Variants in CCDC7 observed in about 807,000 individuals in gnomAD.
CCDC7 encodes the protein coiled-coil domain-containing protein 7.
In CCDC7, 183 loss-of-function variants were observed where a neutral mutation model predicts 196.9. That is an observed-to-expected ratio of 0.93 (90% CI 0.82 to 1.05). The LOEUF (loss-of-function observed/expected upper bound fraction) is 1.05, where lower values mean the gene tolerates loss of function less well. Ranked by LOEUF, CCDC7 falls within the 50% of genes least tolerant of loss-of-function variation. The pLI is 0.00. For missense variants in CCDC7, 1,540 were observed against 1,482.2 expected (o/e 1.04, Z -0.64); for synonymous variants, 525 against 484.6 (o/e 1.08, Z -1.10).
chr10:32,643,678 A>T (rs546401325), intron 20 of CCDC7, among the ~76,000 whole-genome samples: 24 of 152,094 alleles, frequency 1.6e-4, no homozygotes, highest in Non-Finnish European at 3.5e-4. Context: ...TTTTTAAAAA[A>T]GATTAATACT....
At chr10:32,710,229 C>A (rs1316233203) in intron 24 of CCDC7, among the ~76,000 whole-genome samples, 2 of 152,172 alleles carry the variant, frequency 1.3e-5, no homozygotes, top group Admixed American at 1.3e-4. Context: ...CCTCTAAATT[C>A]TCCTAGATCA....
chr10:32,677,821 T>A (rs981596384), intron 21 of CCDC7, among the ~76,000 whole-genome samples: 2 of 152,200 alleles, frequency 1.3e-5, no homozygotes, highest in Non-Finnish European at 2.9e-5. Flanking sequence ...CTCTTTCTTC[T>A]TGGACTTCCA....
intron 24 of CCDC7, among the ~76,000 whole-genome samples, chr10:32,696,830 G>T (rs2077794648): frequency 6.6e-6 from 1 of 152,014 alleles, no homozygotes. Context: ...TGTAGCAGTT[G>T]CTTCTTCCAT....
intron 8 of CCDC7, among the ~76,000 whole-genome samples, chr10:32,490,033 T>G (rs2041908007): frequency 6.6e-6 from 1 of 152,132 alleles, no homozygotes; most frequent in African/African-American, 2.4e-5. Flanking sequence ...GTGTTCTCTG[T>G]AGAGCAGGCT....
At chr10:32,449,653 GGTGTATTT>G (rs1427947632), upstream of CCDC7, among the ~76,000 whole-genome samples, 1 of 152,052 alleles carries the variant, frequency 6.6e-6, no homozygotes, top group Non-Finnish European at 1.5e-5. Context: ...AAAGTATGTG[GGTGTATTT>G]GTTTTCGAAG....
intron 11 of CCDC7, among the ~76,000 whole-genome samples, chr10:32,521,410 T>A (rs1023718841): frequency 6.6e-6 from 1 of 152,162 alleles, no homozygotes; most frequent in Admixed American, 6.5e-5. Flanking sequence ...CTTGTAGAGA[T>A]CTTTCACTTC....
At chr10:32,677,332 T>C (rs534422888) in intron 21 of CCDC7, among the ~76,000 whole-genome samples, 1 of 151,686 alleles carries the variant, frequency 6.6e-6, no homozygotes, top group East Asian at 1.9e-4. Context: ...AACCTGCACA[T>C]TGTGCACATG....
chr10:32,470,773 G>A (rs2037784210), intron 5 of CCDC7, among the ~76,000 whole-genome samples: 1 of 152,056 alleles, frequency 6.6e-6, no homozygotes, highest in Non-Finnish European at 1.5e-5. Flanking sequence ...AATATTTTGA[G>A]TTGCATTTAT....
At chr10:32,507,093 A>T (rs2045305756) in intron 9 of CCDC7, among the ~76,000 whole-genome samples, 1 of 151,926 alleles carries the variant, frequency 6.6e-6, no homozygotes, top group African/African-American at 2.4e-5. Flanking sequence ...CCCGGGTTCA[A>T]GTGATTCTCC....
intron 3 of CCDC7, among the ~76,000 whole-genome samples, chr10:32,461,731 GTA>G (rs61624157): frequency 7.0e-4 from 23 of 33,072 alleles, no homozygotes; most frequent in African/African-American, 1.5e-3. Context: ...ATATATATAT[GTA>G]TATATATATA....
chr10:32,462,703 G>T (rs777084739), exon 4 of CCDC7: 12 of 1,456,440 alleles, frequency 8.2e-6, no homozygotes, highest in Admixed American at 2.2e-5. Flanking sequence ...CTCTTTTTAA[G>T]GTACGTTCAA....
intron 16 of CCDC7, among the ~76,000 whole-genome samples, chr10:32,578,617 C>T (rs1354313217): frequency 4.0e-5 from 6 of 151,512 alleles, no homozygotes; most frequent in Non-Finnish European, 8.8e-5. Context: ...GAAACTAATG[C>T]GGCTGCTGAT....
intron 33 of CCDC7, among the ~76,000 whole-genome samples, chr10:32,845,037 A>G (rs1003026051): frequency 1.3e-5 from 2 of 150,774 alleles, no homozygotes; most frequent in Non-Finnish European, 3.0e-5. Context: ...GGTAAAAAAA[A>G]TTTTTTTCAA....
chr10:32,733,963 C>T (rs1034410544), intron 28 of CCDC7, among the ~76,000 whole-genome samples: 2 of 152,122 alleles, frequency 1.3e-5, no homozygotes, highest in African/African-American at 2.4e-5. Context: ...AAAGAGAACA[C>T]TTACACACTG....
chr10:32,617,836 T>C (rs980519514), intron 18 of CCDC7, among the ~76,000 whole-genome samples: 8 of 151,982 alleles, frequency 5.3e-5, no homozygotes, highest in African/African-American at 1.9e-4. Context: ...TTAAGTTCAG[T>C]GTTTCTTTGT....
Position 32,474,210 on chromosome 10 carries a change from CTTTT to C in CCDC7, c.796+214_796+217del, listed in dbSNP as rs71027095. Among the ~76,000 whole-genome samples, 576 of 58,972 alleles carry C rather than the reference CTTTT, an allele frequency of 9.8e-3. 5 individuals carry two copies. Among genetic ancestry groups the C allele is most frequent in the Admixed American group, 0.018 (64 of 3,568 alleles). 38.7% of individuals were successfully genotyped at this position (58,972 alleles called of 152,430 possible). On this transcript the variant is annotated intron_variant, in intron 8 of 41. Transcript: ENST00000639629. ...GGATACGTGTTACTGAAACTAGATTCTTTTTTTTTTTTTTTTTTTTTTTTTTTTT... is the reference window on the plus strand; with the variant it reads ...GGATACGTGTTACTGAAACTAGATTCTTTTTTTTTTTTTTTTTTTTTTTTT...
chr10:32,792,736 G>A (rs57497293), intron 29 of CCDC7, among the ~76,000 whole-genome samples: 13,056 of 152,234 alleles, frequency 0.086, 882 homozygotes, highest in South Asian at 0.25. Context: ...GGAGGCAGAG[G>A]TGGCAGTGAG....
chr10:32,766,966 A>G (rs1055427081), intron 28 of CCDC7, among the ~76,000 whole-genome samples: 1 of 152,012 alleles, frequency 6.6e-6, no homozygotes, highest in Non-Finnish European at 1.5e-5. Context: ...TTAGTTGTTA[A>G]AATTTGATGT....
At chr10:32,498,080 T>C (rs1392640382) in intron 9 of CCDC7, among the ~76,000 whole-genome samples, 2 of 152,210 alleles carry the variant, frequency 1.3e-5, no homozygotes, top group Non-Finnish European at 2.9e-5. Context: ...GGTGCTCCTG[T>C]ATTGGGTGCA....
Sources: gnomAD v4.1 joint callset for allele counts (sites outside exome capture counted in the v4.1 genomes callset) on GRCh38, gnomAD v4.1.1 for gene constraint, MANE v1.5 for transcripts, NCBI Gene and HGNC (gene_info 2026-07-23, HGNC 2026-07-21) for gene names.